LSAMP: variants seen among roughly 807,000 people sequenced by gnomAD.
LSAMP encodes limbic system-associated membrane protein.
A neutral mutation model predicts 38.6 loss-of-function variants in LSAMP; 7 were observed. The observed-to-expected ratio is 0.18, with a 90% CI of 0.10 to 0.34. The LOEUF (loss-of-function observed/expected upper bound fraction) is 0.34, where lower values mean the gene tolerates loss of function less well. Among genes scored for constraint, LSAMP ranks in the 10% least tolerant of loss-of-function variants. LSAMP has a pLI of 1.00. For missense variants in LSAMP, 313 were observed against 420.0 expected, an observed-to-expected ratio of 0.75 and a Z score of 2.23; for synonymous variants, 154 against 166.8, an observed-to-expected ratio of 0.92 and a Z score of 0.59.
intron 3 of LSAMP, among the ~76,000 whole-genome samples, chr3:115,975,825 A>C (rs1269265702): frequency 2.0e-5 from 3 of 152,062 alleles, no homozygotes; most frequent in Non-Finnish European, 4.4e-5. Flanking sequence ...CCATCCTATC[A>C]TTTCTAACCA....
At chr3:116,209,259 C>T (rs182055037) in intron 1 of LSAMP, among the ~76,000 whole-genome samples, 2,043 of 152,274 alleles carry the variant, frequency 0.013, 14 homozygotes, top group Non-Finnish European at 0.021. Context: ...TGCTTTGGCT[C>T]GCGCACGGTG....
At chr3:116,312,567 A>G (rs1477680137) in intron 1 of LSAMP, among the ~76,000 whole-genome samples, 1 of 151,494 alleles carries the variant, frequency 6.6e-6, no homozygotes, top group Admixed American at 6.6e-5. Context: ...TTTTTTTTCT[A>G]TCATCTATGC....
rs554838994 is a variant in LSAMP, at chr3:116,275,184, C to T, written c.155+169693G>A. On this transcript the variant is annotated intron_variant, in intron 1 of 6. Transcript: ENST00000490035. ...TCTCCTGCCTCAGCCTCCTGCATAG[C>T]GGAGACTACAGGTATGCACCATCAT... 3.9e-5 allele frequency among the ~76,000 whole-genome samples: 6 copies of T among 152,094 alleles called. No individual in the cohort carries two copies. In the South Asian group the frequency reaches 6.2e-4, roughly 16 times the overall value.
rs1935074369 is a variant in LSAMP, at chr3:115,843,815, T to C, written c.650-1237A>G. 2.6e-5 allele frequency among the ~76,000 whole-genome samples: 4 copies of C among 152,372 alleles called. No individual in the cohort carries two copies. In the South Asian group the frequency reaches 8.3e-4, roughly 32 times the overall value. ...TGCAATTTCCTTCCTGATTTTATCT[T>C]CCCATAAGCTTAGACATTTTTAAAT... On this transcript the variant is annotated intron_variant, in intron 4 of 6. Coordinates refer to ENST00000490035, the MANE Select transcript of LSAMP (RefSeq NM_002338.5).
At chr3:116,224,538 G>A (rs1282618612) in intron 1 of LSAMP, among the ~76,000 whole-genome samples, 3 of 152,102 alleles carry the variant, frequency 2.0e-5, no homozygotes, top group Admixed American at 1.3e-4. Context: ...TATTTTTCTG[G>A]GTCTAAAAAT....
chr3:116,357,716 A>G (rs981865981), intron 1 of LSAMP, among the ~76,000 whole-genome samples: 1 of 152,166 alleles, frequency 6.6e-6, no homozygotes, highest in Non-Finnish European at 1.5e-5. Flanking sequence ...GTTTTAGGTA[A>G]GGTTTACAAC....
chr3:116,415,063 T>A (rs926239047), intron 1 of LSAMP, among the ~76,000 whole-genome samples: 19 of 151,842 alleles, frequency 1.3e-4, no homozygotes, highest in African/African-American at 4.6e-4. Context: ...TGCTTACCTC[T>A]GCTTGCCCCT....
chr3:116,261,750 T>C (rs2046830086), intron 1 of LSAMP, among the ~76,000 whole-genome samples: 1 of 151,970 alleles, frequency 6.6e-6, no homozygotes, highest in Non-Finnish European at 1.5e-5. Flanking sequence ...TCCAAAATGC[T>C]CTTAGATCAT....
chr3:116,410,146 C>T (rs1050072080), intron 1 of LSAMP, among the ~76,000 whole-genome samples: 2 of 152,020 alleles, frequency 1.3e-5, no homozygotes, highest in East Asian at 1.9e-4. Context: ...TGCTGTTTTT[C>T]GTAAATCTCT....
At chr3:116,385,159 T>TATG (rs996691139) in intron 1 of LSAMP, among the ~76,000 whole-genome samples, 1 of 151,704 alleles carries the variant, frequency 6.6e-6, no homozygotes, top group Non-Finnish European at 1.5e-5. Context: ...GCTATGTTTA[T>TATG]ATGACTCTTT....
At chr3:116,406,378 C>T (rs13100341) in intron 1 of LSAMP, among the ~76,000 whole-genome samples, 18,427 of 151,972 alleles carry the variant, frequency 0.12, 1,429 homozygotes, top group African/African-American at 0.22. Context: ...AGCGTTAAAG[C>T]TTTATCATCA....
chr3:116,137,622 TTTG>T (rs1173076279), intron 1 of LSAMP, among the ~76,000 whole-genome samples: 2 of 152,124 alleles, frequency 1.3e-5, no homozygotes, highest in East Asian at 3.9e-4. Flanking sequence ...CTTAAACTGA[TTTG>T]TTTTTATGGC....
chr3:115,951,068 C>A (rs991740161), intron 3 of LSAMP, among the ~76,000 whole-genome samples: 3 of 152,050 alleles, frequency 2.0e-5, no homozygotes, highest in Non-Finnish European at 4.4e-5. Context: ...AATTGGCAAG[C>A]CACATGATGA....
At chr3:116,043,563 C>T (rs544061321) in intron 2 of LSAMP, among the ~76,000 whole-genome samples, 5 of 152,294 alleles carry the variant, frequency 3.3e-5, no homozygotes, top group Non-Finnish European at 5.9e-5. Flanking sequence ...CTAGGGACAC[C>T]ACTAAGTTAG....
rs199794064 is a variant in LSAMP, at chr3:116,389,294, A to AT, written c.155+55582dup. 4.6e-3 allele frequency among the ~76,000 whole-genome samples: 703 copies of AT among 151,932 alleles called. 7 individuals carry two copies. The highest frequency in any genetic ancestry group is 0.016 in the African/African-American group (654 of 41,382). On this transcript the variant is annotated intron_variant, in intron 1 of 6. Transcript: ENST00000490035. ...GCTGTGGTAGAATAGGCAAAAGATG[A>AT]TTTTTTTTTAAAAGGTGCTAGTCTG...
chr3:116,282,563 G>A (rs1176873839), intron 1 of LSAMP, among the ~76,000 whole-genome samples: 3 of 152,032 alleles, frequency 2.0e-5, no homozygotes, highest in African/African-American at 7.2e-5. Context: ...TGTCCCTTAC[G>A]TAGTCTCTAT....
chr3:116,109,472 G>T (rs1278368858), intron 1 of LSAMP, among the ~76,000 whole-genome samples: 1 of 152,088 alleles, frequency 6.6e-6, no homozygotes, highest in Non-Finnish European at 1.5e-5. Flanking sequence ...GGAAGATTTG[G>T]GACGAGTTGC....
At chr3:116,127,009 C>A (rs770995106) in intron 1 of LSAMP, among the ~76,000 whole-genome samples, 37 of 152,138 alleles carry the variant, frequency 2.4e-4, no homozygotes, top group South Asian at 8.3e-4. Context: ...AGAAATCTAA[C>A]GAGAATGAGA....
chr3:115,823,831 C>G (rs148764398), intron 6 of LSAMP, among the ~76,000 whole-genome samples: 1 of 152,124 alleles, frequency 6.6e-6, no homozygotes, highest in Non-Finnish European at 1.5e-5. Context: ...ATGGTCTTAA[C>G]AGCAATGCAA....
Sources: allele counts gnomAD v4.1 joint callset (sites outside exome capture counted in the v4.1 genomes callset), GRCh38; gene constraint gnomAD v4.1.1; transcripts MANE v1.5; gene names NCBI Gene and HGNC (gene_info 2026-07-23, HGNC 2026-07-21).